The following IPPK variants were observed in gnomAD, a reference collection of about 807,000 sequenced individuals.
The protein encoded by IPPK is IPK1 homolog.
IPPK carries 22 observed loss-of-function variants against 64.6 expected under a neutral mutation model. The observed-to-expected ratio is 0.34, with a 90% CI of 0.24 to 0.49. The LOEUF (loss-of-function observed/expected upper bound fraction) is 0.49, where lower values mean the gene tolerates loss of function less well. IPPK is among the 20% of genes least tolerant of loss of function. The pLI is 0.99. For missense variants in IPPK, 532 were observed against 630.7 expected, an observed-to-expected ratio of 0.84 and a Z score of 1.68; for synonymous variants, 262 against 247.2, an observed-to-expected ratio of 1.06 and a Z score of -0.56.
chr9:92,660,206 C>T (rs1176262121), intron 1 of IPPK, among the ~76,000 whole-genome samples: 1 of 152,138 alleles, frequency 6.6e-6, no homozygotes, highest in Non-Finnish European at 1.5e-5. Flanking sequence ...ACCCGCCCTC[C>T]AACAATTAGG....
Position 92,670,127 on chromosome 9 carries a change from C to T in IPPK, c.-139G>A. On this transcript the variant is annotated 5_prime_UTR_variant, in exon 1 of 13. Transcript: ENST00000287996. The stretch of plus-strand genomic sequence containing the variant: ...CCGCCCCCGCTCGACCCCGCCGCGG[C>T]GACTAGCAAGCTGTGGCCGCCGGAA... 1.1e-5 allele frequency: 6 copies of T among 560,828 alleles called. No homozygotes were observed. The South Asian group carries it at 1.2e-4, about 11-fold the overall frequency. The allele number at this position is 560,828 out of a possible 1,614,324, so 34.7% of individuals were successfully genotyped here. A position where few individuals can be genotyped will look rare whatever the true frequency, so the allele number is the denominator to read the frequency against.
intron 3 of IPPK, among the ~76,000 whole-genome samples, chr9:92,655,418 C>T (rs966428419): frequency 6.6e-6 from 1 of 152,154 alleles, no homozygotes; most frequent in African/African-American, 2.4e-5. Context: ...AGAGGAAATG[C>T]GCTCACAGGC....
At chr9:92,620,810 A>C (rs1349526631) in intron 11 of IPPK, among the ~76,000 whole-genome samples, 1 of 152,174 alleles carries the variant, frequency 6.6e-6, no homozygotes, top group Non-Finnish European at 1.5e-5. Flanking sequence ...CACTCTATTC[A>C]GTTAGCTAGA....
At chr9:92,669,757 G>T in intron 1 of IPPK, 151 bp downstream of exon 1, 1 of 613,202 alleles carries the variant, frequency 1.6e-6, no homozygotes, top group Non-Finnish European at 2.9e-6. Flanking sequence ...GGGGATGCTG[G>T]AGGGTGGGGG....
chr9:92,655,340 C>T (rs530255487), intron 3 of IPPK, among the ~76,000 whole-genome samples: 12 of 152,306 alleles, frequency 7.9e-5, no homozygotes, highest in African/African-American at 2.6e-4. Context: ...AGCCCAGCGG[C>T]GTCCTACTGG....
intron 9 of IPPK, among the ~76,000 whole-genome samples, chr9:92,636,394 T>C (rs1390941401): frequency 3.3e-5 from 5 of 152,130 alleles, no homozygotes; most frequent in Middle Eastern, 3.2e-3. Flanking sequence ...CCTAACTTTC[T>C]GGGAGGCCAA....
At chr9:92,634,850 G>A (rs992360388) in intron 10 of IPPK, among the ~76,000 whole-genome samples, 3 of 152,184 alleles carry the variant, frequency 2.0e-5, no homozygotes, top group African/African-American at 4.8e-5. Context: ...GACACAGAAC[G>A]ACCTGCAGGA....
chr9:92,664,848 G>A (rs931277790), intron 1 of IPPK, among the ~76,000 whole-genome samples: 2 of 152,152 alleles, frequency 1.3e-5, no homozygotes, highest in African/African-American at 2.4e-5. Flanking sequence ...AAGTCACTGG[G>A]GAGCTTTGCT....
chr9:92,668,263 G>A (rs1332011357), intron 1 of IPPK, among the ~76,000 whole-genome samples: 2 of 152,088 alleles, frequency 1.3e-5, no homozygotes, highest in Admixed American at 6.5e-5. Context: ...GTGAGACCCC[G>A]TTTCTAAATA....
chr9:92,660,619 A>G (rs1472453174), intron 1 of IPPK, among the ~76,000 whole-genome samples: 3 of 152,226 alleles, frequency 2.0e-5, no homozygotes, highest in Non-Finnish European at 2.9e-5. Flanking sequence ...TCCCCACTGT[A>G]GCCTCAGAGG....
intron 11 of IPPK, among the ~76,000 whole-genome samples, chr9:92,631,837 T>C (rs1188942382): frequency 6.6e-6 from 1 of 152,246 alleles, no homozygotes; most frequent in African/African-American, 2.4e-5. Context: ...ACAGTCAAGA[T>C]ACAGAACAGT....
chr9:92,630,719 T>G (rs1391660110), intron 11 of IPPK, among the ~76,000 whole-genome samples: 2 of 152,054 alleles, frequency 1.3e-5, no homozygotes, highest in Non-Finnish European at 2.9e-5. Flanking sequence ...GCACATAAGT[T>G]TGGAGAGACA....
chr9:92,637,921 C>T (rs1025656053), intron 9 of IPPK, 80 bp downstream of exon 9: 16 of 1,402,114 alleles, frequency 1.1e-5, no homozygotes, highest in Admixed American at 5.7e-5. Flanking sequence ...CTGTGCTGAC[C>T]GCCTGGCCAC....
At chr9:92,663,275 C>T (rs1852524871) in intron 1 of IPPK, among the ~76,000 whole-genome samples, 1 of 152,186 alleles carries the variant, frequency 6.6e-6, no homozygotes, top group Admixed American at 6.5e-5. Context: ...CCCATTGTGT[C>T]CCAATGGCCT....
chr9:92,649,668 A>G (rs1300136737), intron 4 of IPPK, 94 bp from the exon 5 acceptor site: 2 of 1,450,108 alleles, frequency 1.4e-6, no homozygotes, highest in African/African-American at 2.8e-5. Context: ...CCCTGGTTCC[A>G]GGGGGCATCT....
intron 4 of IPPK, among the ~76,000 whole-genome samples, chr9:92,651,725 G>C (rs181435176): frequency 1.1e-4 from 16 of 152,126 alleles, no homozygotes; most frequent in African/African-American, 3.9e-4. Context: ...TTTTTTGTTC[G>C]TTTGTTTGAG....
In IPPK at chr9:92,613,523, C is replaced by T; in HGVS notation, c.*2309G>A. On this transcript the variant is annotated 3_prime_UTR_variant, in exon 13 of 13. Coordinates refer to ENST00000287996, the MANE Select transcript of IPPK (RefSeq NM_022755.6). ...TCAGCTGGGAGAAGCCACCCTTATCCTGGTTCCTGCCTCCTGGGGGCTCTG... is the reference window on the plus strand; with the variant it reads ...TCAGCTGGGAGAAGCCACCCTTATCTTGGTTCCTGCCTCCTGGGGGCTCTG... The T allele has an allele frequency of 4.3e-6, 1 of 233,620 alleles. No homozygotes were observed. Among genetic ancestry groups the T allele is most frequent in the East Asian group, 1.1e-4 (1 of 9,406 alleles). 14.5% of individuals were successfully genotyped at this position (233,620 alleles called of 1,614,324 possible). A position where few individuals can be genotyped will look rare whatever the true frequency, so the allele number is the denominator to read the frequency against.
intron 1 of IPPK, among the ~76,000 whole-genome samples, chr9:92,662,671 T>C (rs1478625196): frequency 6.6e-6 from 1 of 152,078 alleles, no homozygotes; most frequent in Admixed American, 6.5e-5. Flanking sequence ...CAGGGAAGCT[T>C]CCACCTTGGA....
chr9:92,636,748 C>A (rs1851950645), intron 9 of IPPK, among the ~76,000 whole-genome samples: 1 of 152,066 alleles, frequency 6.6e-6, no homozygotes, highest in African/African-American at 2.4e-5. Flanking sequence ...AGAGTATGAT[C>A]TTATTGTTTT....
Sources: gnomAD v4.1 joint callset for allele counts (sites outside exome capture counted in the v4.1 genomes callset) on GRCh38, gnomAD v4.1.1 for gene constraint, MANE v1.5 for transcripts, NCBI Gene and HGNC (gene_info 2026-07-23, HGNC 2026-07-21) for gene names.